The following ADARB2 variants were observed in gnomAD, a reference collection of about 807,000 sequenced individuals.
ADARB2 encodes inactive double-stranded RNA-specific editase B2.
A neutral mutation model predicts 62.2 loss-of-function variants in ADARB2; 25 were observed. The ratio of observed to expected loss-of-function variants is 0.40; its 90% CI spans 0.29 to 0.56. The LOEUF is 0.56. Ranked by LOEUF, ADARB2 falls within the 20% of genes least tolerant of loss-of-function variation. The pLI is 0.43. For missense variants in ADARB2, 1,071 were observed against 1,077.4 expected (o/e 0.99, Z 0.08); for synonymous variants, 572 against 500.8 (o/e 1.14, Z -1.90).
At chr10:1,281,115 A>G (rs1182225707) in intron 3 of ADARB2, among the ~76,000 whole-genome samples, 1 of 152,230 alleles carries the variant, frequency 6.6e-6, no homozygotes, top group African/African-American at 2.4e-5. Context: ...ATAAATAGAA[A>G]ATGTCTCTGC....
Position 1,222,713 on chromosome 10 carries a change from A to T in ADARB2, c.1514-5594T>A, listed in dbSNP as rs558015761. On this transcript the variant is annotated intron_variant, in intron 6 of 9. Transcript: ENST00000381312. ...CTTGTTTTTGTCAGGTTTGTCAAAG[A>T]TCAGATGGTTGTAGATATGCGGCAT... Among the ~76,000 whole-genome samples, 16 of 149,638 alleles carry T rather than the reference A, an allele frequency of 1.1e-4. No individual in the cohort carries two copies. The East Asian group carries it at 2.1e-3, about 20-fold the overall frequency.
intron 1 of ADARB2, among the ~76,000 whole-genome samples, chr10:1,695,738 G>A (rs888656851): frequency 2.0e-5 from 3 of 152,172 alleles, no homozygotes; most frequent in South Asian, 4.1e-4. Context: ...CCATGCATGT[G>A]TATGTATACA....
At chr10:1,337,062 C>CTCTGTG (rs1554755014) in intron 3 of ADARB2, among the ~76,000 whole-genome samples, 1 of 142,048 alleles carries the variant, frequency 7.0e-6, no homozygotes, top group Non-Finnish European at 1.5e-5. Flanking sequence ...TTAAAGATTT[C>CTCTGTG]TGTGTGTGTG....
At chr10:1,506,862 A>G (rs1831859366) in intron 1 of ADARB2, among the ~76,000 whole-genome samples, 1 of 152,150 alleles carries the variant, frequency 6.6e-6, no homozygotes, top group Non-Finnish European at 1.5e-5. Context: ...TGCCCTTCTA[A>G]GGAAAAACGT....
intron 3 of ADARB2, among the ~76,000 whole-genome samples, chr10:1,333,682 A>G (rs147683399): frequency 1.8e-4 from 28 of 152,312 alleles, no homozygotes; most frequent in African/African-American, 6.7e-4. Flanking sequence ...ATGATGATTT[A>G]TCAACTGCAG....
chr10:1,664,611 C>T (rs1330185521), intron 1 of ADARB2, among the ~76,000 whole-genome samples: 1 of 152,200 alleles, frequency 6.6e-6, no homozygotes. Flanking sequence ...GGGCATCTCT[C>T]ATGTTCATCA....
intron 3 of ADARB2, among the ~76,000 whole-genome samples, chr10:1,273,026 C>T (rs1170737204): frequency 6.6e-6 from 1 of 152,194 alleles, no homozygotes; most frequent in Non-Finnish European, 1.5e-5. Context: ...TGGCCTTCTC[C>T]TCTGTGTCTG....
At chr10:1,589,424 ATCCATGGTCGGGGTG>A (rs1001059674) in intron 1 of ADARB2, among the ~76,000 whole-genome samples, 19 of 150,920 alleles carry the variant, frequency 1.3e-4, no homozygotes, top group East Asian at 2.2e-4. Context: ...CGGTCAGGGC[ATCCATGGTCGGGGTG>A]TCCATGGTCG....
chr10:1,323,441 C>G (rs1345056199), intron 3 of ADARB2, among the ~76,000 whole-genome samples: 1 of 152,014 alleles, frequency 6.6e-6, no homozygotes, highest in Non-Finnish European at 1.5e-5. Context: ...AAAATACCAG[C>G]AAATATTTTG....
intron 2 of ADARB2, 44 bp from the exon 3 acceptor site, chr10:1,363,961 G>A (rs1300659573): frequency 7.1e-7 from 1 of 1,417,534 alleles, no homozygotes; most frequent in Admixed American, 3.2e-5. Flanking sequence ...GCGGGCGCCG[G>A]CAGGTCGATG....
At chr10:1,259,476 A>G (rs1026475859) in intron 4 of ADARB2, among the ~76,000 whole-genome samples, 1 of 152,212 alleles carries the variant, frequency 6.6e-6, no homozygotes, top group East Asian at 1.9e-4. Flanking sequence ...TATCACCACC[A>G]GTCCCACAGA....
intron 3 of ADARB2, among the ~76,000 whole-genome samples, chr10:1,274,191 G>A (rs1831291889): frequency 6.6e-6 from 1 of 152,254 alleles, no homozygotes; most frequent in South Asian, 2.1e-4. Flanking sequence ...GCACCGATCA[G>A]CATTGCTGCA....
At chr10:1,313,403 G>A (rs1831709516) in intron 3 of ADARB2, among the ~76,000 whole-genome samples, 2 of 152,182 alleles carry the variant, frequency 1.3e-5, no homozygotes, top group African/African-American at 2.4e-5. Context: ...TGTTCATGAG[G>A]CCTCACTGAG....
intron 1 of ADARB2, among the ~76,000 whole-genome samples, chr10:1,448,338 T>C (rs1830995998): frequency 6.6e-6 from 1 of 152,208 alleles, no homozygotes; most frequent in Admixed American, 6.5e-5. Flanking sequence ...AAGTGTCTAC[T>C]CCAAAGTGAA....
intron 6 of ADARB2, among the ~76,000 whole-genome samples, chr10:1,228,664 C>T (rs977206856): frequency 6.6e-6 from 1 of 152,176 alleles, no homozygotes; most frequent in African/African-American, 2.4e-5. Flanking sequence ...ATGGAGTAGC[C>T]CTGGGTCACA....
chr10:1,615,797 G>C (rs913303163), intron 1 of ADARB2, among the ~76,000 whole-genome samples: 3 of 152,242 alleles, frequency 2.0e-5, no homozygotes. Context: ...GGCAGGGACT[G>C]TTGTCCTGAA....
intron 1 of ADARB2, among the ~76,000 whole-genome samples, chr10:1,696,396 TAC>T (rs139329806): frequency 2.0e-5 from 3 of 152,204 alleles, no homozygotes; most frequent in African/African-American, 7.2e-5. Flanking sequence ...TATATGGAAA[TAC>T]ACACATATTT....
intron 1 of ADARB2, among the ~76,000 whole-genome samples, chr10:1,721,405 G>A (rs1016396630): frequency 2.6e-5 from 4 of 152,152 alleles, no homozygotes; most frequent in Non-Finnish European, 4.4e-5. Context: ...TACTGTCAGC[G>A]TGTTTTCTAT....
At chr10:1,566,239 G>A (rs780684565) in intron 1 of ADARB2, among the ~76,000 whole-genome samples, 1 of 152,104 alleles carries the variant, frequency 6.6e-6, no homozygotes, top group Non-Finnish European at 1.5e-5. Flanking sequence ...TGTTGGATTT[G>A]CCAGGGACAG....
Sources: gnomAD v4.1 joint callset for allele counts (sites outside exome capture counted in the v4.1 genomes callset) on GRCh38, gnomAD v4.1.1 for gene constraint, MANE v1.5 for transcripts, NCBI Gene and HGNC (gene_info 2026-07-23, HGNC 2026-07-21) for gene names.